The following TRANK1 variants were observed in gnomAD, a reference collection of about 807,000 sequenced individuals.
TRANK1 encodes the protein tetratricopeptide repeat and ankyrin repeat containing 1.
TRANK1 carries 198 observed loss-of-function variants against 266.0 expected under a neutral mutation model. The observed-to-expected ratio is 0.74, with a 90% CI of 0.66 to 0.84. The LOEUF (loss-of-function observed/expected upper bound fraction) is 0.84. TRANK1 is among the 40% of genes least tolerant of loss of function. TRANK1 has a pLI of 0.00. For synonymous variants in TRANK1, 1,396 were observed against 1,384.1 expected, an observed-to-expected ratio of 1.01 and a Z score of -0.19; for missense variants, 3,326 against 3,634.6, an observed-to-expected ratio of 0.92 and a Z score of 2.18.
intron 3 of TRANK1, among the ~76,000 whole-genome samples, chr3:36,900,827 G>A (rs1276091398): frequency 1.0e-5 from 1 of 97,898 alleles, no homozygotes; most frequent in Non-Finnish European, 2.0e-5. Flanking sequence ...GCTCCAGCCT[G>A]GGTGACAAAG....
chr3:36,892,308 C>T lies in TRANK1; in HGVS notation c.669G>A (p.Met223Ile). The T allele has an allele frequency of 6.5e-7, 1 of 1,537,164 alleles. No homozygotes were observed. The highest frequency in any genetic ancestry group is 8.7e-7 in the Non-Finnish European group (1 of 1,146,880). Residue 223 changes from methionine to isoleucine, a missense_variant, in exon 7 of 24, where the codon ATG (methionine) becomes ATA (isoleucine). By Grantham distance (10) the Met-to-Ile change is conservative. Coordinates refer to ENST00000645898, the MANE Select transcript of TRANK1 (RefSeq NM_001329998.2). Reference protein sequence around the residue: ...KYVFIGLYEKMEQVPKLVQWL... With the variant: ...KYVFIGLYEKIEQVPKLVQWL... ...ACTGGACTAACTTGGGCACTTGTTC[C>T]ATCTTCTCATAAAGTCCAATGAAAA...
chr3:36,832,928 TG>T lies in TRANK1; in HGVS notation c.6654del (p.Lys2219SerfsTer3), dbSNP rs2078717027. The T allele has an allele frequency of 6.2e-7, 1 of 1,613,442 alleles. No homozygotes were observed. The highest frequency in any genetic ancestry group is 8.5e-7 in the Non-Finnish European group (1 of 1,179,582). ...HFHRPLRRCE[A>X]KCLVQSKMNL... The stretch of plus-strand genomic sequence containing the variant: ...TTCATTTTCGACTGAACTAAACACT[TG>T]GCTTCACAACGCCGCAGAGGCCTGT... On this transcript the variant is annotated frameshift_variant, in exon 22 of 24. Coordinates refer to ENST00000645898, the MANE Select transcript of TRANK1 (RefSeq NM_001329998.2). LOFTEE classifies it high-confidence loss of function.
Position 36,831,957 on chromosome 3 carries a change from G to A in TRANK1, c.7626C>T (p.Asn2542=), listed in dbSNP as rs374076664. The stretch of plus-strand genomic sequence containing the variant: ...TTTCACTGAAGGCATCAAGCAGGAC[G>A]TTGAAGTTCACATTCTCATAGCCAC... The part of the protein sequence containing the change: ...VLCGYENVNF[N]VLLDAFSEID... The change falls in exon 22 of 24, where the codon AAC becomes AAT. Residue 2542 remains asparagine, a synonymous_variant. Coordinates refer to ENST00000645898, the MANE Select transcript of TRANK1 (RefSeq NM_001329998.2). The surrounding 1 kb of genome is among the most constrained non-coding windows in gnomAD (Gnocchi z 5.0). The A allele has an allele frequency of 3.7e-5, 60 of 1,613,924 alleles. No individual in the cohort carries two copies. In the African/African-American group the frequency reaches 5.6e-4, roughly 15 times the overall value.
At chr3:36,878,757 G>A (rs551961163) in intron 8 of TRANK1, among the ~76,000 whole-genome samples, 72 of 141,062 alleles carry the variant, frequency 5.1e-4, no homozygotes, top group Admixed American at 2.8e-3. Flanking sequence ...TACCCCCCCC[G>A]AACCTAAAAT....
In TRANK1 at chr3:36,895,702, C is replaced by T. The variant is rs780875843; in HGVS notation, c.490G>A (p.Gly164Arg). 3.3e-5 allele frequency: 51 copies of T among 1,536,654 alleles called. No homozygotes were observed. Among genetic ancestry groups the T allele is most frequent in the Non-Finnish European group, 4.4e-5 (50 of 1,146,732 alleles). The change falls in exon 5 of 24, where the codon GGA becomes AGA. Residue 164 changes from glycine (G) to arginine (R), a missense_variant. Physicochemically the swap from Gly to Arg is moderately radical, Grantham distance 125. Transcript: ENST00000645898. ...LPCFDHIFTT[G>R]FPTEVWQSVI... ...GATTGCCACACTTCTGTTGGGAATCCAGTTGTGAAAATATGATCAAAGCAA... is the reference window on the plus strand; with the variant it reads ...GATTGCCACACTTCTGTTGGGAATCTAGTTGTGAAAATATGATCAAAGCAA...
At chr3:36,851,934 T>A (rs916694096) in intron 14 of TRANK1, 78 bp from the exon 15 acceptor site, 2 of 1,478,680 alleles carry the variant, frequency 1.4e-6, no homozygotes, top group Non-Finnish European at 1.8e-6. Context: ...GGGAGATAGG[T>A]AATGTTTTTA....
In TRANK1 at chr3:36,874,280, C is replaced by T; in HGVS notation, c.924G>A (p.Val308=). Residue 308 remains valine, a synonymous_variant, in exon 9 of 24, where the codon GTG becomes GTA. Transcript: ENST00000645898. ...CTGCCCCAAAGCGCAGGAGCATCTG[C>T]ACATCCTCTGTTTGTCCTAGGGCAG... ...GYLVKRQTED[V]QMLLRFGADP... The T allele has an allele frequency of 1.3e-6, 2 of 1,536,976 alleles. No individual in the cohort carries two copies. The highest frequency in any genetic ancestry group is 1.7e-6 in the Non-Finnish European group (2 of 1,146,780).
intron 9 of TRANK1, among the ~76,000 whole-genome samples, chr3:36,869,383 G>A (rs1163158927): frequency 6.6e-6 from 1 of 152,216 alleles, no homozygotes; most frequent in Non-Finnish European, 1.5e-5. Flanking sequence ...CAAACTTGAG[G>A]AAGAGTCAAG....
intron 5 of TRANK1, among the ~76,000 whole-genome samples, chr3:36,894,990 G>C (rs1460659429): frequency 6.6e-6 from 1 of 152,172 alleles, no homozygotes; most frequent in African/African-American, 2.4e-5. Flanking sequence ...AACATTACCT[G>C]ATAGGTGCTC....
intron 1 of TRANK1, among the ~76,000 whole-genome samples, chr3:36,923,931 C>T (rs2080252516): frequency 6.6e-6 from 1 of 152,052 alleles, no homozygotes; most frequent in Admixed American, 6.5e-5. Context: ...GGGCTGGCTG[C>T]CTTGCCTGAA....
chr3:36,925,863 C>T lies in TRANK1; in HGVS notation c.24-17409G>A, dbSNP rs1197975536. Reference sequence around the variant, plus strand: ...CCTCCCAAACTGTTGGGATTACAGACATGAGCCACTGTGCCCGGCCGTTGA... The same window carrying T: ...CCTCCCAAACTGTTGGGATTACAGATATGAGCCACTGTGCCCGGCCGTTGA... On this transcript the variant is annotated intron_variant, in intron 1 of 23. Transcript: ENST00000645898. 2.0e-5 allele frequency among the ~76,000 whole-genome samples: 3 copies of T among 152,210 alleles called. No individual in the cohort carries two copies. The South Asian group carries it at 6.2e-4, about 31-fold the overall frequency.
intron 15 of TRANK1, chr3:36,850,845 A>C (rs2078976196): frequency 1.0e-6 from 1 of 985,342 alleles, no homozygotes. Flanking sequence ...TGTTAAAGCC[A>C]ACAGTGCTCT....
chr3:36,832,093 T>C lies in TRANK1; in HGVS notation c.7490A>G (p.Asp2497Gly). The change falls in exon 22 of 24, where the codon GAC becomes GGC. Residue 2497 changes from aspartate to glycine, a missense_variant. Coordinates refer to ENST00000645898, the MANE Select transcript of TRANK1 (RefSeq NM_001329998.2). ...HYWEFLFSKKDKELGDVFSII... is the reference protein window; with the variant it reads ...HYWEFLFSKKGKELGDVFSII... Reference sequence around the variant, plus strand: ...GGAGAACACATCCCCAAGCTCCTTGTCCTTCTTGCTAAACAGGAACTCCCA... The same window carrying C: ...GGAGAACACATCCCCAAGCTCCTTGCCCTTCTTGCTAAACAGGAACTCCCA... The C allele has an allele frequency of 1.9e-6, 3 of 1,614,032 alleles. No individual in the cohort carries two copies. Among genetic ancestry groups the C allele is most frequent in the Non-Finnish European group, 2.5e-6 (3 of 1,179,900 alleles).
chr3:36,924,012 A>G (rs930360879), intron 1 of TRANK1, among the ~76,000 whole-genome samples: 2 of 152,128 alleles, frequency 1.3e-5, no homozygotes, highest in African/African-American at 4.8e-5. Context: ...GTTTGGGGTA[A>G]CTCAGGTGCT....
chr3:36,843,166 C>A lies in TRANK1; in HGVS notation c.5192-456G>T, dbSNP rs1052777086. 5.3e-5 allele frequency among the ~76,000 whole-genome samples: 8 copies of A among 152,260 alleles called. No homozygotes were observed. The East Asian group carries it at 1.4e-3, about 26-fold the overall frequency. ...TAGTATTCTGTTATGGCAGTCAGAGCAGACTGACCTGTGTTGTCTTTCTAG... is the reference window on the plus strand; with the variant it reads ...TAGTATTCTGTTATGGCAGTCAGAGAAGACTGACCTGTGTTGTCTTTCTAG... On this transcript the variant is annotated intron_variant, in intron 17 of 23. Transcript: ENST00000645898.
chr3:36,935,683 G>C (rs867122520), intron 1 of TRANK1, among the ~76,000 whole-genome samples: 8 of 152,118 alleles, frequency 5.3e-5, no homozygotes, highest in Non-Finnish European at 8.8e-5. Flanking sequence ...CTTACCTGAG[G>C]TGATCCGCCC....
At chr3:36,874,016 A>T in intron 9 of TRANK1, 110 bp downstream of exon 9, 4 of 1,037,664 alleles carry the variant, frequency 3.9e-6, no homozygotes. Context: ...ACTTCCATAT[A>T]TATATGTGTG....
chr3:36,854,630 C>T (rs2079027113), intron 13 of TRANK1, among the ~76,000 whole-genome samples: 1 of 152,174 alleles, frequency 6.6e-6, no homozygotes, highest in Non-Finnish European at 1.5e-5. Flanking sequence ...TGATGCTTAC[C>T]TCGCAGTGGT....
intron 7 of TRANK1, 139 bp from the exon 8 acceptor site, chr3:36,890,099 A>C: frequency 8.7e-7 from 1 of 1,147,710 alleles, no homozygotes; most frequent in Non-Finnish European, 1.2e-6. Context: ...TAAGGTAACC[A>C]AATGAGGAAT....
Sources: allele counts gnomAD v4.1 joint callset (sites outside exome capture counted in the v4.1 genomes callset), GRCh38; gene constraint gnomAD v4.1.1; non-coding constraint Gnocchi (gnomAD v3.1); transcripts MANE v1.5; gene names NCBI Gene and HGNC (gene_info 2026-07-23, HGNC 2026-07-21).